Variants in GALNTL5 observed in about 807,000 individuals in gnomAD.
The protein encoded by GALNTL5 is polypeptide N-acetylgalactosaminyltransferase like 5, also known as inactive polypeptide N-acetylgalactosaminyltransferase-like protein 5.
Under a neutral mutation model 51.0 loss-of-function variants are expected in GALNTL5, and 44 were observed. The ratio of observed to expected loss-of-function variants is 0.86; its 90% CI spans 0.68 to 1.11. The LOEUF (loss-of-function observed/expected upper bound fraction) is 1.11. GALNTL5 is among the 50% of genes least tolerant of loss of function. The pLI, the probability that GALNTL5 is intolerant of heterozygous loss-of-function variation, is 0.00. For synonymous variants in GALNTL5, 192 were observed against 182.8 expected, an observed-to-expected ratio of 1.05 and a Z score of -0.41; for missense variants, 528 against 531.8, an observed-to-expected ratio of 0.99 and a Z score of 0.07.
At position 152,014,557 on chromosome 7, in the gene GALNTL5, C is replaced by T. The variant is rs1015405619; in HGVS notation, c.1027-87C>T. 75 of 1,322,122 alleles carry T rather than the reference C, an allele frequency of 5.7e-5. 1 individual carries two copies. The highest frequency in any genetic ancestry group is 9.9e-5 in the East Asian group (4 of 40,592). 81.9% of individuals were successfully genotyped at this position (1,322,122 alleles called of 1,614,324 possible). A position where few individuals can be genotyped will look rare whatever the true frequency, so the allele number is the denominator to read the frequency against. ...TGCTGGGATTACAGGCATGAGCCAC[C>T]GCACCTGGCCATTATATTGGTTTAA... On this transcript the variant is annotated intron_variant, in intron 7 of 8. Coordinates refer to ENST00000392800, the MANE Select transcript of GALNTL5 (RefSeq NM_145292.4).
intron 4 of GALNTL5, among the ~76,000 whole-genome samples, 169 bp from the exon 5 acceptor site, chr7:151,986,990 G>T (rs1359871377): frequency 6.6e-6 from 1 of 152,092 alleles, no homozygotes; most frequent in Admixed American, 6.6e-5. Flanking sequence ...GCCTCCCAAA[G>T]TGCTGGGATT....
rs530927089 is a variant in GALNTL5 at position 151,986,887 on chromosome 7, G to A, written c.536-272G>A. 4.0e-4 allele frequency among the ~76,000 whole-genome samples: 61 copies of A among 150,952 alleles called. 1 individual carries two copies. The South Asian group carries it at 0.012, about 31-fold the overall frequency. On this transcript the variant is annotated intron_variant, in intron 4 of 8. Coordinates refer to ENST00000392800, the MANE Select transcript of GALNTL5 (RefSeq NM_145292.4). ...ATTACAGGCGCCCACCACTATGCCC[G>A]GCTAATTTTTGTATTTTTAGTAGAG...
intron 5 of GALNTL5, among the ~76,000 whole-genome samples, chr7:152,001,178 G>T (rs2081575198): frequency 6.6e-6 from 1 of 150,928 alleles, no homozygotes; most frequent in South Asian, 2.1e-4. Context: ...CTCCCAAAGT[G>T]CTGGGATTAC....
intron 3 of GALNTL5, among the ~76,000 whole-genome samples, chr7:151,972,902 G>A (rs2081162387): frequency 6.6e-6 from 1 of 152,186 alleles, no homozygotes; most frequent in Non-Finnish European, 1.5e-5. Flanking sequence ...ACCAAACCTA[G>A]TCCCCACTGG....
chr7:151,971,006 T>C lies in GALNTL5; in HGVS notation c.309T>C (p.Asn103=). The stretch of plus-strand genomic sequence containing the variant: ...AAGAACTTTTAAAATATGGATTTAA[T>C]GTGATTATCAGTAGAAGCTTGGGCA... ...LHKELLKYGF[N]VIISRSLGIE... is the part of the protein sequence containing the mutation. Residue 103 remains asparagine, a synonymous_variant, in exon 3 of 9, where the codon AAT becomes AAC. Coordinates refer to ENST00000392800, the MANE Select transcript of GALNTL5 (RefSeq NM_145292.4). 1 of 1,610,072 alleles carries C rather than the reference T, an allele frequency of 6.2e-7. No individual in the cohort carries two copies. Among genetic ancestry groups the C allele is most frequent in the South Asian group, 1.1e-5 (1 of 90,872 alleles).
chr7:151,978,744 C>T (rs1254217885), intron 3 of GALNTL5, among the ~76,000 whole-genome samples: 1 of 152,174 alleles, frequency 6.6e-6, no homozygotes, highest in Non-Finnish European at 1.5e-5. Flanking sequence ...CTCTCCTTGG[C>T]TTATAGATGG....
At chr7:151,996,940 A>G (rs1041288447) in intron 5 of GALNTL5, among the ~76,000 whole-genome samples, 1 of 152,220 alleles carries the variant, frequency 6.6e-6, no homozygotes, top group African/African-American at 2.4e-5. Context: ...AAGAACGAAA[A>G]TAAATACAAA....
chr7:151,984,207 G>T (rs988073732), intron 4 of GALNTL5: 9 of 152,198 alleles, frequency 5.9e-5, no homozygotes, highest in South Asian at 2.1e-4. Context: ...AGTTAAGTGT[G>T]TATTCTTTCA....
intron 1 of GALNTL5, among the ~76,000 whole-genome samples, chr7:151,959,830 G>T (rs1363580296): frequency 6.6e-6 from 1 of 152,216 alleles, no homozygotes; most frequent in Non-Finnish European, 1.5e-5. Context: ...TTGCAAAGCA[G>T]AGGAGGAGAG....
chr7:151,994,259 T>A (rs1346022615), intron 5 of GALNTL5, among the ~76,000 whole-genome samples: 1 of 152,210 alleles, frequency 6.6e-6, no homozygotes, highest in East Asian at 1.9e-4. Context: ...TTCCTTAACT[T>A]ATCTCTTGCC....
intron 1 of GALNTL5, among the ~76,000 whole-genome samples, chr7:151,959,993 T>C (rs1388997471): frequency 6.6e-6 from 1 of 152,070 alleles, no homozygotes; most frequent in Non-Finnish European, 1.5e-5. Flanking sequence ...CCAGCCAGGC[T>C]TGAGAATTCA....
intron 5 of GALNTL5, chr7:151,995,261 A>G (rs928219767): frequency 4.6e-5 from 7 of 150,908 alleles, no homozygotes; most frequent in Admixed American, 3.3e-4. Flanking sequence ...GAGGAGGAGA[A>G]GGCAGGGGTT....
chr7:151,977,489 C>A (rs2081221559), intron 3 of GALNTL5, among the ~76,000 whole-genome samples: 1 of 152,068 alleles, frequency 6.6e-6, no homozygotes. Context: ...GAGGTTAAGA[C>A]CTTATTTTCT....
chr7:152,005,224 AAC>A (rs368754399), intron 6 of GALNTL5, among the ~76,000 whole-genome samples: 3,666 of 64,588 alleles, frequency 0.057, 147 homozygotes, highest in African/African-American at 0.16. Context: ...TGGAAAACTT[AAC>A]ACACACACAC....
intron 3 of GALNTL5, among the ~76,000 whole-genome samples, chr7:151,972,698 G>A (rs1373734632): frequency 6.6e-6 from 1 of 152,202 alleles, no homozygotes; most frequent in Non-Finnish European, 1.5e-5. Context: ...CAAGCTCCAA[G>A]CCTTGGTGGC....
chr7:152,006,917 G>A (rs568946415), intron 6 of GALNTL5, among the ~76,000 whole-genome samples: 53 of 152,028 alleles, frequency 3.5e-4, no homozygotes, highest in African/African-American at 1.1e-3. Flanking sequence ...ACAGGCGCGG[G>A]CAACTGCATC....
intron 3 of GALNTL5, among the ~76,000 whole-genome samples, chr7:151,972,605 G>A (rs1339986679): frequency 6.6e-6 from 1 of 152,176 alleles, no homozygotes; most frequent in African/African-American, 2.4e-5. Context: ...GTTGGGACAA[G>A]GTGCCCTGTG....
At chr7:151,981,793 G>A (rs1339542677) in intron 3 of GALNTL5, among the ~76,000 whole-genome samples, 2 of 150,436 alleles carry the variant, frequency 1.3e-5, no homozygotes, top group African/African-American at 2.4e-5. Context: ...AACTACGAGT[G>A]CGTGCCACCA....
In GALNTL5 at chr7:152,007,948, A is replaced by G. The variant is rs1354101366; in HGVS notation, c.1026+4A>G. On this transcript the variant is annotated splice_donor_region_variant and intron_variant, in intron 7 of 8. Transcript: ENST00000392800. ...AAATTTGGAACTTTCACTAAGGGTAATTCAGATTTCATTTTTAAAATAGCT... is the reference window on the plus strand; with the variant it reads ...AAATTTGGAACTTTCACTAAGGGTAGTTCAGATTTCATTTTTAAAATAGCT... 7.1e-7 allele frequency: 1 copy of G among 1,411,210 alleles called. No homozygotes were observed. Among genetic ancestry groups the G allele is most frequent in the East Asian group, 2.3e-5 (1 of 43,936 alleles). 87.4% of individuals were successfully genotyped at this position (1,411,210 alleles called of 1,614,324 possible).
Sources: allele counts gnomAD v4.1 joint callset (sites outside exome capture counted in the v4.1 genomes callset), GRCh38; gene constraint gnomAD v4.1.1; transcripts MANE v1.5; gene names NCBI Gene and HGNC (gene_info 2026-07-23, HGNC 2026-07-21).